The following PTPRG variants were observed in gnomAD, a reference collection of about 807,000 sequenced individuals.
PTPRG encodes the protein protein tyrosine phosphatase receptor type G, also known as receptor-type tyrosine-protein phosphatase gamma.
A neutral mutation model predicts 165.3 loss-of-function variants in PTPRG; 102 were observed. The ratio of observed to expected loss-of-function variants is 0.62; its 90% confidence interval spans 0.53 to 0.73. PTPRG has a LOEUF of 0.73. Among genes scored for constraint, PTPRG ranks in the 30% least tolerant of loss-of-function variants. The pLI is 0.00. For synonymous variants in PTPRG, 675 were observed against 669.5 expected, an observed-to-expected ratio of 1.01 and a Z score of -0.13; for missense variants, 1,866 against 1,861.4, an observed-to-expected ratio of 1.00 and a Z score of -0.05.
chr3:61,934,662 C>T (rs1191552099), intron 2 of PTPRG, among the ~76,000 whole-genome samples: 1 of 152,066 alleles, frequency 6.6e-6, no homozygotes, highest in African/African-American at 2.4e-5. Context: ...GAGTATGTCT[C>T]ATTCCCTTTT....
intron 2 of PTPRG, among the ~76,000 whole-genome samples, chr3:61,820,934 A>T (rs1274025567): frequency 1.3e-5 from 2 of 151,792 alleles, no homozygotes; most frequent in East Asian, 3.9e-4. Flanking sequence ...GTGAACATTT[A>T]TGGATTTTTT....
chr3:61,946,699 C>T (rs556081743), intron 2 of PTPRG, among the ~76,000 whole-genome samples: 9 of 152,330 alleles, frequency 5.9e-5, no homozygotes, highest in East Asian at 1.9e-4. Flanking sequence ...TAATTAGTGT[C>T]GCTTTCTGCA....
rs374937267 is a variant in PTPRG at position 61,758,201 on chromosome 3, TC to T, written c.190+9220del. 2.5e-3 allele frequency among the ~76,000 whole-genome samples: 360 copies of T among 142,996 alleles called. 2 individuals carry two copies. Among genetic ancestry groups the T allele is most frequent in the African/African-American group, 8.3e-3 (319 of 38,438 alleles). The allele number at this position is 142,996 out of a possible 152,430, so 93.8% of individuals were successfully genotyped here. ...GATTTCACCTTGTTGGCCAGGCCGA[TC>T]TCAAACTCCTGGGCTCAAGCCCAGT... On this transcript the variant is annotated intron_variant, in intron 2 of 29. Coordinates refer to ENST00000474889, the MANE Select transcript of PTPRG (RefSeq NM_002841.4).
chr3:61,638,347 T>G (rs1279108045), intron 1 of PTPRG, among the ~76,000 whole-genome samples: 5 of 152,048 alleles, frequency 3.3e-5, no homozygotes, highest in African/African-American at 1.2e-4. Context: ...ATTTAAGTAA[T>G]GTGTAGACCC....
intron 3 of PTPRG, among the ~76,000 whole-genome samples, chr3:61,992,550 G>A (rs1372860019): frequency 6.7e-6 from 1 of 150,104 alleles, no homozygotes; most frequent in Non-Finnish European, 1.5e-5. Context: ...ACGGAGTCTC[G>A]CTCTTGTCAC....
At chr3:61,778,944 T>A (rs1018649260) in intron 2 of PTPRG, among the ~76,000 whole-genome samples, 1 of 151,944 alleles carries the variant, frequency 6.6e-6, no homozygotes, top group African/African-American at 2.4e-5. Flanking sequence ...CAATGAGGTC[T>A]GAGAGGGAGG....
chr3:62,103,934 C>T (rs955958365), intron 5 of PTPRG, among the ~76,000 whole-genome samples: 2 of 152,332 alleles, frequency 1.3e-5, no homozygotes, highest in East Asian at 3.9e-4. Context: ...TCGCTATTCT[C>T]ACCATCAGAT....
At chr3:61,868,252 A>G (rs570793708) in intron 2 of PTPRG, among the ~76,000 whole-genome samples, 4 of 152,310 alleles carry the variant, frequency 2.6e-5, no homozygotes. Context: ...TCACGGAAGA[A>G]AAGCTCCAAG....
chr3:62,071,760 C>G (rs886870167), intron 4 of PTPRG, among the ~76,000 whole-genome samples: 2 of 152,082 alleles, frequency 1.3e-5, no homozygotes, highest in African/African-American at 4.8e-5. Flanking sequence ...TGTCCCAACC[C>G]CACTTTCCTT....
rs112179021 is a variant in PTPRG, at chr3:61,813,889, G to C, written c.190+64907G>C. Among the ~76,000 whole-genome samples, 926 of 128,704 alleles carry C rather than the reference G, an allele frequency of 7.2e-3. 9 individuals are homozygous for C. Among genetic ancestry groups the C allele is most frequent in the African/African-American group, 0.029 (891 of 30,570 alleles). The allele number at this position is 128,704 out of a possible 152,430, so 84.4% of individuals were successfully genotyped here. On this transcript the variant is annotated intron_variant, in intron 2 of 29. Coordinates refer to ENST00000474889, the MANE Select transcript of PTPRG (RefSeq NM_002841.4). ...CTTACAGACATCTTATGAGATACTGGCTTTTTTTTTTTTTTTGGGGGGGGT... is the reference window on the plus strand; with the variant it reads ...CTTACAGACATCTTATGAGATACTGCCTTTTTTTTTTTTTTTGGGGGGGGT...
intron 13 of PTPRG, among the ~76,000 whole-genome samples, chr3:62,227,924 C>G (rs754860496): frequency 6.6e-6 from 1 of 152,098 alleles, no homozygotes; most frequent in Non-Finnish European, 1.5e-5. Context: ...TCTGATAAAC[C>G]GGACAATTTA....
At chr3:61,783,952 T>C (rs62243167) in intron 2 of PTPRG, among the ~76,000 whole-genome samples, 2 of 152,114 alleles carry the variant, frequency 1.3e-5, no homozygotes, top group African/African-American at 4.8e-5. Context: ...CATCTGGCCA[T>C]TGGGCATTTG....
intron 14 of PTPRG, among the ~76,000 whole-genome samples, chr3:62,242,989 A>G (rs1559697697): frequency 6.6e-6 from 1 of 152,004 alleles, no homozygotes; most frequent in South Asian, 2.1e-4. Flanking sequence ...TCTGGTCACA[A>G]TAGCCATTCA....
rs140456389 is a variant in PTPRG, at chr3:62,130,127, C to G, written c.616-2475C>G. 2.0e-3 allele frequency among the ~76,000 whole-genome samples: 301 copies of G among 152,268 alleles called. 1 individual carries two copies. The highest frequency in any genetic ancestry group is 6.7e-3 in the African/African-American group (278 of 41,564). ...TGTGGGTATGGCTAGTTCAGCCCATCTCTGTGGACTGCAGATGGTTCCACT... is the reference window on the plus strand; with the variant it reads ...TGTGGGTATGGCTAGTTCAGCCCATGTCTGTGGACTGCAGATGGTTCCACT... On this transcript the variant is annotated intron_variant, in intron 5 of 29. Transcript: ENST00000474889.
At chr3:62,149,366 C>T (rs779023683) in intron 6 of PTPRG, among the ~76,000 whole-genome samples, 13 of 151,666 alleles carry the variant, frequency 8.6e-5, no homozygotes, top group South Asian at 2.1e-4. Flanking sequence ...CTCCACCTTC[C>T]CAGTTCAAGC....
At chr3:61,733,613 G>T (rs1490360983) in intron 1 of PTPRG, among the ~76,000 whole-genome samples, 2 of 152,192 alleles carry the variant, frequency 1.3e-5, no homozygotes, top group African/African-American at 4.8e-5. Context: ...AGCAACTAAA[G>T]CAGAGCAGGA....
intron 2 of PTPRG, among the ~76,000 whole-genome samples, chr3:61,776,004 C>T (rs1431507451): frequency 6.6e-6 from 1 of 151,426 alleles, no homozygotes; most frequent in African/African-American, 2.4e-5. Flanking sequence ...GTGCAGCACA[C>T]CAACATGGCA....
chr3:62,172,365 A>G (rs886989081), intron 8 of PTPRG, among the ~76,000 whole-genome samples: 4 of 152,218 alleles, frequency 2.6e-5, no homozygotes, highest in Non-Finnish European at 4.4e-5. Flanking sequence ...CATTCCCATC[A>G]ACAGTGTATG....
At chr3:61,923,794 C>T (rs776580710) in intron 2 of PTPRG, among the ~76,000 whole-genome samples, 67 of 150,726 alleles carry the variant, frequency 4.4e-4, no homozygotes, top group Non-Finnish European at 9.3e-4. Context: ...CCTCAGCCTC[C>T]CAAAACACTG....
Sources: allele counts gnomAD v4.1 joint callset (sites outside exome capture counted in the v4.1 genomes callset), GRCh38; gene constraint gnomAD v4.1.1; transcripts MANE v1.5; gene names NCBI Gene and HGNC (gene_info 2026-07-23, HGNC 2026-07-21).